The following CEP78 variants were observed in gnomAD, a reference collection of about 807,000 sequenced individuals.
The protein encoded by CEP78 is centrosomal protein of 78 kDa.
A neutral mutation model predicts 81.2 loss-of-function variants in CEP78; 76 were observed. The observed-to-expected ratio is 0.94, with a 90% CI of 0.78 to 1.13. CEP78 has a LOEUF of 1.13. Ranked by LOEUF, CEP78 falls within the 50% of genes most tolerant of loss-of-function variation. CEP78 has a pLI of 0.00. For missense variants in CEP78, 918 were observed against 846.8 expected (o/e 1.08, Z -1.04); for synonymous variants, 293 against 301.4 (o/e 0.97, Z 0.29).
chr9:78,265,451 G>GT lies in CEP78; in HGVS notation c.1707dup (p.Ser570Ter). The GT allele has an allele frequency of 6.3e-7, 1 of 1,599,256 alleles. No individual in the cohort carries two copies. Among genetic ancestry groups the GT allele is most frequent in the South Asian group, 1.1e-5 (1 of 88,148 alleles). ...AGGTCATCCCCAGATGACTTCTACT[G>GT]TTAGTAATCCACCTAAAGAAGAAAA... On this transcript the variant is annotated frameshift_variant, in exon 14 of 17. Transcript: ENST00000643273. LOFTEE classifies it high-confidence loss of function.
rs1826849355 is a variant in CEP78, at chr9:78,253,247, C to G, written c.1221C>G (p.Ile407Met). ...RAKRHRGFPL[I>M]KTRDICNQLQ... ...ATCTTTTTAGGGGTTTCCCATTAAT[C>G]AAAACACGTGATATATGTAATCAGT... Residue 407 changes from isoleucine to methionine, a missense_variant, in exon 10 of 17, where the codon ATC becomes ATG. Transcript: ENST00000643273. 1.4e-6 allele frequency: 2 copies of G among 1,379,940 alleles called. No homozygotes were observed. The highest frequency in any genetic ancestry group is 1.8e-4 in the Middle Eastern group (1 of 5,632). The allele number at this position is 1,379,940 out of a possible 1,614,324, so 85.5% of individuals were successfully genotyped here.
rs1188633102 is a variant in CEP78 at position 78,275,606 on chromosome 9, C to CA, written c.*4774dup. 13,116 of 68,028 alleles carry CA rather than the reference C, an allele frequency of 0.19. 932 individuals are homozygous for CA. Among genetic ancestry groups the CA allele is most frequent in the Admixed American group, 0.28 (1,825 of 6,526 alleles). 4.2% of individuals were successfully genotyped at this position (68,028 alleles called of 1,614,324 possible). On this transcript the variant is annotated 3_prime_UTR_variant, in exon 17 of 17. Transcript: ENST00000643273. ...GGAGACAAGAGGGAAACTCTGTCTC[C>CA]AAAAAAAAAAAAAAAAAAATACAGT...
At chr9:78,238,884 T>C (rs1194846455) in intron 1 of CEP78, among the ~76,000 whole-genome samples, 1 of 151,868 alleles carries the variant, frequency 6.6e-6, no homozygotes, top group Non-Finnish European at 1.5e-5. Context: ...GTAAAAAATA[T>C]TAGCTGGGCT....
At chr9:78,249,461 C>T (rs1826653628) in intron 8 of CEP78, 1 of 151,966 alleles carries the variant, frequency 6.6e-6, no homozygotes, top group Non-Finnish European at 1.5e-5. Flanking sequence ...ACAAACATTC[C>T]CTAAATGTTT....
chr9:78,278,432 G>A lies in CEP78; in HGVS notation c.*7581G>A, dbSNP rs1439711752. 1 of 152,222 alleles carries A rather than the reference G, an allele frequency of 6.6e-6. No individual in the cohort carries two copies. Among genetic ancestry groups the A allele is most frequent in the Non-Finnish European group, 1.5e-5 (1 of 68,038 alleles). 9.4% of individuals were successfully genotyped at this position (152,222 alleles called of 1,614,324 possible). On this transcript the variant is annotated 3_prime_UTR_variant, in exon 17 of 17. Coordinates refer to ENST00000643273, the MANE Select transcript of CEP78 (RefSeq NM_001330691.3). ...AATGAAGCTTTCTGCAAAGTTAAAA[G>A]TAGTAGTCCTGGCCCCACCTTCCTT... is the stretch of plus-strand genomic sequence containing the variant.
intron 6 of CEP78, 55 bp downstream of exon 6, chr9:78,246,837 T>C (rs1826515074): frequency 2.0e-6 from 2 of 998,152 alleles, no homozygotes; most frequent in Non-Finnish European, 3.0e-6. Flanking sequence ...AAAAAGAATT[T>C]CTCATGTATT....
chr9:78,264,085 C>T, intron 12 of CEP78, 65 bp from the exon 13 acceptor site: 1 of 1,146,660 alleles, frequency 8.7e-7, no homozygotes, highest in African/African-American at 1.6e-5. Flanking sequence ...ATTTTAGTTT[C>T]ATAAAAACTA....
chr9:78,251,225 A>G (rs573082716), intron 8 of CEP78, among the ~76,000 whole-genome samples: 1 of 152,262 alleles, frequency 6.6e-6, no homozygotes, highest in South Asian at 2.1e-4. Context: ...AGTAGGTTTC[A>G]TTTGTTTTCT....
chr9:78,241,899 T>C (rs1201730412), intron 4 of CEP78, 100 bp downstream of exon 4: 4 of 628,336 alleles, frequency 6.4e-6, no homozygotes, highest in Non-Finnish European at 1.1e-5. Context: ...TTGATACATA[T>C]GGGCATTGCA....
chr9:78,239,886 G>A, intron 1 of CEP78, 137 bp from the exon 2 acceptor site: 2 of 655,860 alleles, frequency 3.0e-6, no homozygotes, highest in South Asian at 2.3e-5. Context: ...ATCCCATGTG[G>A]CTTGAGTTTA....
chr9:78,256,305 T>A (rs979299642), intron 11 of CEP78, among the ~76,000 whole-genome samples: 16 of 152,236 alleles, frequency 1.1e-4, no homozygotes, highest in African/African-American at 3.9e-4. Context: ...CTTGACAGTT[T>A]GTATATGGAA....
chr9:78,254,994 G>A (rs1238994587), intron 11 of CEP78, 30 bp downstream of exon 11: 1 of 1,581,426 alleles, frequency 6.3e-7, no homozygotes, highest in Admixed American at 1.8e-5. Context: ...AAGATATGGA[G>A]AAGATCATTT....
intron 3 of CEP78, 126 bp from the exon 4 acceptor site, chr9:78,241,570 T>C (rs935282431): frequency 2.3e-5 from 12 of 517,006 alleles, no homozygotes; most frequent in Admixed American, 3.6e-5. Flanking sequence ...TTAGGTAGAT[T>C]GTAAATAGTG....
rs762159301 is a variant in CEP78 at position 78,252,010 on chromosome 9, C to T, written c.1172C>T (p.Pro391Leu). The change falls in exon 9 of 17, where the codon CCG becomes CTG. Residue 391 changes from proline to leucine, a missense_variant. Physicochemically the swap from Pro to Leu is moderately conservative, Grantham distance 98. Coordinates refer to ENST00000643273, the MANE Select transcript of CEP78 (RefSeq NM_001330691.3). ...CCACCTGGTGTGTCTGGTTTCTTGC[C>T]GTGGCGTACTGCAGAACGTGCAAAA... ...PLPPGVSGFLPWRTAERAKRH... is the reference protein window; with the variant it reads ...PLPPGVSGFLLWRTAERAKRH... 10 of 1,601,104 alleles carry T rather than the reference C, an allele frequency of 6.2e-6. No homozygotes were observed. Among genetic ancestry groups the T allele is most frequent in the South Asian group, 3.3e-5 (3 of 89,556 alleles).
intron 11 of CEP78, among the ~76,000 whole-genome samples, chr9:78,260,875 A>G (rs1827243396): frequency 6.6e-6 from 1 of 152,022 alleles, no homozygotes; most frequent in Non-Finnish European, 1.5e-5. Context: ...CTCAGGCCCC[A>G]CAGTTGACCT....
At position 78,236,347 on chromosome 9, in the gene CEP78, G is replaced by C. The variant is rs1161592367; in HGVS notation, c.-4G>C. The C allele has an allele frequency of 6.4e-7, 1 of 1,567,412 alleles. No homozygotes were observed. Among genetic ancestry groups the C allele is most frequent in the Admixed American group, 1.8e-5 (1 of 54,824 alleles). On this transcript the variant is annotated 5_prime_UTR_variant, in exon 1 of 17. Transcript: ENST00000643273. ...CGGGCATCCCCCGAGGCCGCCCTCG[G>C]GCCATGATCGACTCCGTGAAGCTGC... is the stretch of plus-strand genomic sequence containing the variant.
chr9:78,237,270 C>T (rs1826001218), intron 1 of CEP78, among the ~76,000 whole-genome samples: 1 of 151,898 alleles, frequency 6.6e-6, no homozygotes, highest in African/African-American at 2.4e-5. Context: ...CATGAGCCAC[C>T]GCGCCCGGCC....
chr9:78,267,065 T>C (rs1827576539), intron 16 of CEP78: 3 of 1,110,118 alleles, frequency 2.7e-6, no homozygotes, highest in Non-Finnish European at 3.6e-6. Flanking sequence ...TCTTATGTTT[T>C]TATTATGGCA....
rs1827821560 is a variant in CEP78, at chr9:78,277,147, CAT to C, written c.*6297_*6298del. ...TTTACTACTTTTTCTTATTTCATATCATGGATGAAAAAAATCAAGATGAATTA... is the reference window on the plus strand; with the variant it reads ...TTTACTACTTTTTCTTATTTCATATCGGATGAAAAAAATCAAGATGAATTA... On this transcript the variant is annotated 3_prime_UTR_variant, in exon 17 of 17. Transcript: ENST00000643273. The C allele has an allele frequency of 6.6e-6, 1 of 151,280 alleles. No individual in the cohort carries two copies. Among genetic ancestry groups the C allele is most frequent in the Non-Finnish European group, 1.5e-5 (1 of 67,880 alleles). The allele number at this position is 151,280 out of a possible 1,614,324, so 9.4% of individuals were successfully genotyped here. A position where few individuals can be genotyped will look rare whatever the true frequency, so the allele number is the denominator to read the frequency against.
Sources: gnomAD v4.1 joint callset for allele counts (sites outside exome capture counted in the v4.1 genomes callset) on GRCh38, gnomAD v4.1.1 for gene constraint, MANE v1.5 for transcripts, NCBI Gene and HGNC (gene_info 2026-07-23, HGNC 2026-07-21) for gene names.